The following DICER1 variants were observed in gnomAD, a reference collection of about 807,000 sequenced individuals.
DICER1 encodes the protein dicer 1, ribonuclease III.
Under a neutral mutation model 194.1 loss-of-function variants are expected in DICER1, and 43 were observed. That is an observed-to-expected ratio of 0.22 (90% CI 0.17 to 0.29). DICER1 has a LOEUF of 0.29. Among genes scored for constraint, DICER1 ranks in the 10% least tolerant of loss-of-function variants. The pLI is 1.00. For missense variants in DICER1, 1,608 were observed against 2,317.0 expected, an observed-to-expected ratio of 0.69 and a Z score of 6.28; for synonymous variants, 832 against 820.5, an observed-to-expected ratio of 1.01 and a Z score of -0.24.
At chr14:95,129,440 T>C in intron 6 of DICER1, 32 bp downstream of exon 6, 3 of 1,606,836 alleles carry the variant, frequency 1.9e-6, no homozygotes, top group Non-Finnish European at 2.6e-6. Context: ...TCAACTAATC[T>C]CATTAAAGCT....
intron 1 of DICER1, among the ~76,000 whole-genome samples, chr14:95,146,653 T>C (rs987757590): frequency 2.0e-5 from 3 of 152,108 alleles, no homozygotes; most frequent in Non-Finnish European, 4.4e-5. Flanking sequence ...GTAACACAGG[T>C]AGGCTGGGGC....
chr14:95,107,567 C>G, intron 17 of DICER1, 41 bp downstream of exon 17: 2 of 1,609,994 alleles, frequency 1.2e-6, no homozygotes, highest in Non-Finnish European at 1.7e-6. Context: ...TCTTTTAAAA[C>G]AAAGTATCAC....
At chr14:95,155,517 CA>C (rs1895791951) in intron 1 of DICER1, among the ~76,000 whole-genome samples, 1 of 152,070 alleles carries the variant, frequency 6.6e-6, no homozygotes, top group African/African-American at 2.4e-5. Context: ...CTTCTAAAAC[CA>C]AGACAATAAA....
chr14:95,143,875 T>C (rs772437785), intron 1 of DICER1, among the ~76,000 whole-genome samples: 1 of 152,194 alleles, frequency 6.6e-6, no homozygotes, highest in African/African-American at 2.4e-5. Flanking sequence ...TCATACCAAA[T>C]AATAAAATTC....
intron 20 of DICER1, 34 bp from the exon 21 acceptor site, chr14:95,104,160 T>A (rs1310750724): frequency 6.4e-7 from 1 of 1,559,470 alleles, no homozygotes; most frequent in East Asian, 2.2e-5. Context: ...TACATCAGAT[T>A]CTTCAAAACA....
chr14:95,094,191 C>T (rs769729935), intron 23 of DICER1, 35 bp from the exon 24 acceptor site: 1 of 1,612,934 alleles, frequency 6.2e-7, no homozygotes. Context: ...TAAGCTTGTG[C>T]AGAAGCATTT....
At position 95,096,192 on chromosome 14, in the gene DICER1, C is replaced by T. The variant is rs753976236; in HGVS notation, c.4728G>A (p.Glu1576=). 5.6e-6 allele frequency: 9 copies of T among 1,614,234 alleles called. No homozygotes were observed. The highest frequency in any genetic ancestry group is 1.1e-5 in the South Asian group (1 of 91,086). ...AACAGAGGAAAAGCTGAGCAGCCCT[C>T]TCCCCACAGCTGGTTAAATAGCAGC... ...LLGCYLTSCG[E]RAAQLFLCSL... The change falls in exon 23 of 27, where the codon GAG becomes GAA. Residue 1576 remains glutamate (E), a synonymous_variant. Coordinates refer to ENST00000343455, the MANE Select transcript of DICER1 (RefSeq NM_177438.3).
rs755726950 is a variant in DICER1 at position 95,096,243 on chromosome 14, T to C, written c.4677A>G (p.Ile1559Met). 1 of 1,614,224 alleles carries C rather than the reference T, an allele frequency of 6.2e-7. No homozygotes were observed. Among genetic ancestry groups the C allele is most frequent in the Non-Finnish European group, 8.5e-7 (1 of 1,180,034 alleles). ...CCAGCAGGGCTTCCACACAGTCCGC[T>C]ATGCTTTTGTCAGCAATACACTGCT... ...HTEQCIADKS[I>M]ADCVEALLGC... The change falls in exon 23 of 27, where the codon ATA becomes ATG. Residue 1559 changes from isoleucine to methionine, a missense_variant. Ile to Met is a conservative substitution (Grantham distance 10, BLOSUM62 1). Transcript: ENST00000343455.
intron 14 of DICER1, 99 bp from the exon 15 acceptor site, chr14:95,108,602 C>T: frequency 9.0e-7 from 1 of 1,115,166 alleles, no homozygotes; most frequent in Non-Finnish European, 1.4e-6. Context: ...TTACTAAAAG[C>T]TGATGAGAAT....
Position 95,090,901 on chromosome 14 carries a change from AC to A in DICER1, c.5603+132del, listed in dbSNP as rs1327676783. 1.5e-5 allele frequency: 15 copies of A among 1,020,310 alleles called. 1 individual carries two copies. The highest frequency in any genetic ancestry group is 1.1e-4 in the Admixed American group (5 of 46,974). The allele number at this position is 1,020,310 out of a possible 1,614,324, so 63.2% of individuals were successfully genotyped here. A position where few individuals can be genotyped will look rare whatever the true frequency, so the allele number is the denominator to read the frequency against. On this transcript the variant is annotated intron_variant, in intron 26 of 26. Coordinates refer to ENST00000343455, the MANE Select transcript of DICER1 (RefSeq NM_177438.3). ...GGAAAAAAGAGAAGTCAATCAGATTACAAACAGAAATCTGACAACAGCACAC... is the reference window on the plus strand; with the variant it reads ...GGAAAAAAGAGAAGTCAATCAGATTAAAACAGAAATCTGACAACAGCACAC...
intron 1 of DICER1, among the ~76,000 whole-genome samples, chr14:95,134,729 A>C (rs76810370): frequency 6.6e-6 from 1 of 152,230 alleles, no homozygotes; most frequent in Non-Finnish European, 1.5e-5. Flanking sequence ...TAAGCAGTGC[A>C]GGGGCACCCC....
chr14:95,115,649 AATGAT>A lies in DICER1; in HGVS notation c.1907+13_1907+17del, dbSNP rs766953072. On this transcript the variant is annotated intron_variant, in intron 11 of 26. Transcript: ENST00000343455. ...GCAACATTCCCAGGTTTTCCACACAAATGATATGATGCCATACCTATTGATGTGTC... is the reference window on the plus strand; with the variant it reads ...GCAACATTCCCAGGTTTTCCACACAAATGATGCCATACCTATTGATGTGTC... 1.2e-6 allele frequency: 2 copies of A among 1,613,964 alleles called. No homozygotes were observed. The highest frequency in any genetic ancestry group is 2.2e-5 in the South Asian group (2 of 91,078).
At chr14:95,132,321 T>C (rs1273012863) in intron 3 of DICER1, among the ~76,000 whole-genome samples, 194 bp downstream of exon 3, 6 of 152,150 alleles carry the variant, frequency 3.9e-5, no homozygotes, top group Admixed American at 3.3e-4. Context: ...TCAAAAGAAA[T>C]ACAGAAGCAG....
chr14:95,116,005 T>C (rs943024720), intron 10 of DICER1, among the ~76,000 whole-genome samples, 184 bp from the exon 11 acceptor site: 28 of 151,876 alleles, frequency 1.8e-4, no homozygotes, highest in African/African-American at 6.8e-4. Flanking sequence ...GTTCCAATCG[T>C]ATGGAGACCC....
At chr14:95,129,289 A>G (rs1193086958) in intron 6 of DICER1, 183 bp downstream of exon 6, 4 of 584,574 alleles carry the variant, frequency 6.8e-6, no homozygotes, top group East Asian at 2.8e-5. Flanking sequence ...CTGTGGAAAC[A>G]ACGTTAGATT....
chr14:95,105,290 A>C lies in DICER1; in HGVS notation c.3094-44T>G. On this transcript the variant is annotated intron_variant, in intron 19 of 26. Coordinates refer to ENST00000343455, the MANE Select transcript of DICER1 (RefSeq NM_177438.3). This position sits in a 1 kb window ranked among gnomAD's most constrained non-coding sequence, Gnocchi z 4.9. ...ATGGACAGATAAATACAAAGCGCAC[A>C]CACAAAAGAAAAAAAAAAAGACCAA... is the stretch of plus-strand genomic sequence containing the variant. The C allele has an allele frequency of 6.5e-7, 1 of 1,537,460 alleles. No individual in the cohort carries two copies. Among genetic ancestry groups the C allele is most frequent in the African/African-American group, 1.4e-5 (1 of 72,660 alleles).
chr14:95,154,237 A>G (rs923434631), intron 1 of DICER1, among the ~76,000 whole-genome samples: 1 of 152,182 alleles, frequency 6.6e-6, no homozygotes, highest in Non-Finnish European at 1.5e-5. Flanking sequence ...CTGACAGAGG[A>G]GTTGTTTGTA....
intron 20 of DICER1, among the ~76,000 whole-genome samples, chr14:95,104,752 T>C (rs568959649): frequency 6.6e-6 from 1 of 152,266 alleles, no homozygotes; most frequent in African/African-American, 2.4e-5. Flanking sequence ...GGGAAGAAAA[T>C]AATGAAGACA....
At chr14:95,106,303 T>A in intron 17 of DICER1, 80 bp from the exon 18 acceptor site, 1 of 1,054,506 alleles carries the variant, frequency 9.5e-7, no homozygotes, top group Non-Finnish European at 1.4e-6. Context: ...GTTTGTAGTA[T>A]GGAAATGATG....
Sources: allele counts gnomAD v4.1 joint callset (sites outside exome capture counted in the v4.1 genomes callset), GRCh38; gene constraint gnomAD v4.1.1; non-coding constraint Gnocchi (gnomAD v3.1); transcripts MANE v1.5; gene names NCBI Gene and HGNC (gene_info 2026-07-23, HGNC 2026-07-21).